SUCLG2: variants seen among roughly 807,000 people sequenced by gnomAD.
SUCLG2 encodes succinate--CoA ligase [GDP-forming] subunit beta, mitochondrial.
Under a neutral mutation model 47.9 loss-of-function variants are expected in SUCLG2, and 42 were observed. The observed-to-expected ratio is 0.88, with a 90% confidence interval of 0.69 to 1.14. The LOEUF (loss-of-function observed/expected upper bound fraction) is 1.14, where lower values mean the gene tolerates loss of function less well. SUCLG2 is among the 50% of genes most tolerant of loss of function. SUCLG2 has a pLI of 0.00. For synonymous variants in SUCLG2, 195 were observed against 197.3 expected (o/e 0.99, Z 0.10); for missense variants, 571 against 525.9 (o/e 1.09, Z -0.84).
intron 10 of SUCLG2, among the ~76,000 whole-genome samples, chr3:67,385,410 C>A (rs1702239078): frequency 6.6e-6 from 1 of 152,228 alleles, no homozygotes; most frequent in Non-Finnish European, 1.5e-5. Flanking sequence ...TCCTTCCATG[C>A]AGAGGGACAG....
chr3:67,483,954 G>C (rs1704983333), intron 9 of SUCLG2, among the ~76,000 whole-genome samples: 1 of 152,204 alleles, frequency 6.6e-6, no homozygotes, highest in African/African-American at 2.4e-5. Flanking sequence ...GCTTACAGGA[G>C]GCTTGCCATG....
intron 1 of SUCLG2, among the ~76,000 whole-genome samples, chr3:67,627,389 T>C (rs1317851730): frequency 6.6e-6 from 1 of 152,176 alleles, no homozygotes; most frequent in Admixed American, 6.5e-5. Flanking sequence ...TGAAAATACT[T>C]TTACTTGGAT....
Position 67,599,730 on chromosome 3 carries a change from A to C in SUCLG2, c.226+9725T>G, listed in dbSNP as rs563471760. Reference sequence around the variant, plus strand: ...TAAAAGCCTGAAGACAAAAAAAAAAAAAAACTCTAATACTTGGCTCACATT... The same window carrying C: ...TAAAAGCCTGAAGACAAAAAAAAAACAAAACTCTAATACTTGGCTCACATT... On this transcript the variant is annotated intron_variant, in intron 2 of 10. Coordinates refer to ENST00000307227, the MANE Select transcript of SUCLG2 (RefSeq NM_003848.4). Among the ~76,000 whole-genome samples, 465 of 152,192 alleles carry C rather than the reference A, an allele frequency of 3.1e-3. 5 individuals carry two copies. Among genetic ancestry groups the C allele is most frequent in the Non-Finnish European group, 3.0e-3 (207 of 68,014 alleles).
At chr3:67,386,970 T>C (rs1702273639) in intron 10 of SUCLG2, among the ~76,000 whole-genome samples, 1 of 152,204 alleles carries the variant, frequency 6.6e-6, no homozygotes, top group Admixed American at 6.5e-5. Context: ...TCTCTGTGCT[T>C]GCCTCTCTCT....
intron 9 of SUCLG2, among the ~76,000 whole-genome samples, chr3:67,492,837 AAC>A (rs1262911124): frequency 6.6e-6 from 1 of 152,220 alleles, no homozygotes. Context: ...CATTTGGGTT[AAC>A]AGTCAAGCAA....
intron 10 of SUCLG2, among the ~76,000 whole-genome samples, chr3:67,384,898 C>T (rs1408936828): frequency 6.6e-6 from 1 of 152,182 alleles, no homozygotes; most frequent in Non-Finnish European, 1.5e-5. Flanking sequence ...TGAAAGCTGT[C>T]TTCCCTCATC....
At chr3:67,431,707 G>A (rs756916307) in intron 9 of SUCLG2, among the ~76,000 whole-genome samples, 1 of 151,096 alleles carries the variant, frequency 6.6e-6, no homozygotes, top group Non-Finnish European at 1.5e-5. Context: ...TTGGACACAC[G>A]GTGGGGAACA....
intron 1 of SUCLG2, among the ~76,000 whole-genome samples, chr3:67,617,931 T>C (rs1700659306): frequency 6.6e-6 from 1 of 152,164 alleles, no homozygotes; most frequent in Non-Finnish European, 1.5e-5. Flanking sequence ...ATAAAAATAG[T>C]AGGTGATCAT....
chr3:67,602,889 A>G (rs762906871), intron 2 of SUCLG2, among the ~76,000 whole-genome samples: 3 of 152,208 alleles, frequency 2.0e-5, no homozygotes, highest in Non-Finnish European at 4.4e-5. Flanking sequence ...CTAAATTACG[A>G]AAAAGAAATT....
At chr3:67,366,685 G>C (rs145696230) in intron 10 of SUCLG2, among the ~76,000 whole-genome samples, 98 of 152,268 alleles carry the variant, frequency 6.4e-4, no homozygotes, top group African/African-American at 2.3e-3. Flanking sequence ...TTTGCAGCCT[G>C]AGCACTCATA....
At chr3:67,414,085 A>G (rs1702984229) in intron 9 of SUCLG2, among the ~76,000 whole-genome samples, 1 of 152,162 alleles carries the variant, frequency 6.6e-6, no homozygotes, top group Non-Finnish European at 1.5e-5. Flanking sequence ...TTTGAATATC[A>G]TGTCAAAGTT....
intron 2 of SUCLG2, among the ~76,000 whole-genome samples, chr3:67,542,211 T>A (rs1314099073): frequency 6.6e-6 from 1 of 152,152 alleles, no homozygotes. Flanking sequence ...CAACCCAGAA[T>A]TTCATATCCA....
intron 2 of SUCLG2, among the ~76,000 whole-genome samples, chr3:67,574,809 A>G (rs367770880): frequency 6.6e-6 from 1 of 152,230 alleles, no homozygotes; most frequent in African/African-American, 2.4e-5. Context: ...CAAAATACAT[A>G]TCTAATAAAG....
At chr3:67,580,676 A>T (rs1707858843) in intron 2 of SUCLG2, among the ~76,000 whole-genome samples, 1 of 152,186 alleles carries the variant, frequency 6.6e-6, no homozygotes, top group East Asian at 1.9e-4. Flanking sequence ...TGCGAACGTT[A>T]CCTATGGGTC....
chr3:67,579,708 G>C (rs1054320235), intron 2 of SUCLG2, among the ~76,000 whole-genome samples: 1 of 152,060 alleles, frequency 6.6e-6, no homozygotes, highest in African/African-American at 2.4e-5. Flanking sequence ...AAATCAGGGT[G>C]GTGTTAGAAA....
intron 2 of SUCLG2, among the ~76,000 whole-genome samples, chr3:67,545,416 T>C (rs1706838215): frequency 6.6e-6 from 1 of 152,192 alleles, no homozygotes; most frequent in Admixed American, 6.5e-5. Flanking sequence ...TCTACTGAGG[T>C]CCAGCATAAC....
intron 9 of SUCLG2, among the ~76,000 whole-genome samples, chr3:67,429,882 T>C (rs1235323110): frequency 6.6e-6 from 1 of 152,204 alleles, no homozygotes; most frequent in Non-Finnish European, 1.5e-5. Flanking sequence ...AAGGGATCAA[T>C]TCAACAAGAA....
At chr3:67,454,447 T>C (rs1297537042) in intron 9 of SUCLG2, among the ~76,000 whole-genome samples, 6 of 152,020 alleles carry the variant, frequency 3.9e-5, no homozygotes, top group Non-Finnish European at 8.8e-5. Context: ...AGCCTACCCA[T>C]GTATCCTCTA....
At chr3:67,407,003 C>T (rs1311078256) in intron 9 of SUCLG2, among the ~76,000 whole-genome samples, 1 of 152,158 alleles carries the variant, frequency 6.6e-6, no homozygotes, top group Non-Finnish European at 1.5e-5. Flanking sequence ...GAGCCACTGA[C>T]ATTCACCAGG....
Sources: allele counts gnomAD v4.1 joint callset (sites outside exome capture counted in the v4.1 genomes callset), GRCh38; gene constraint gnomAD v4.1.1; transcripts MANE v1.5; gene names NCBI Gene and HGNC (gene_info 2026-07-23, HGNC 2026-07-21).